The following ZNF71 variants were observed in gnomAD, a reference collection of about 807,000 sequenced individuals.
The protein encoded by ZNF71 is zinc finger protein 71, also known as endothelial zinc finger protein induced by tumor necrosis factor alpha.
Under a neutral mutation model 6.7 loss-of-function variants are expected in ZNF71, and 3 were observed. That is an observed-to-expected ratio of 0.45 (90% CI 0.20 to 1.16). ZNF71 has a LOEUF of 1.16. Ranked by LOEUF, ZNF71 falls within the 50% of genes most tolerant of loss-of-function variation. The pLI, the probability that ZNF71 is intolerant of heterozygous loss-of-function variation, is 0.25. For synonymous variants in ZNF71, 343 were observed against 311.1 expected (o/e 1.10, Z -1.08); for missense variants, 688 against 728.6 (o/e 0.94, Z 0.64).
chr19:56,598,660 C>T lies in ZNF71; in HGVS notation c.-52-2847C>T, dbSNP rs1399062228. Among the ~76,000 whole-genome samples the T allele has an allele frequency of 6.6e-6, 1 of 152,262 alleles. No individual in the cohort carries two copies. Among genetic ancestry groups the T allele is most frequent in the East Asian group, 1.9e-4 (1 of 5,170 alleles). On this transcript the variant is annotated intron_variant, in intron 1 of 3. Coordinates refer to ENST00000599599, the MANE Select transcript of ZNF71 (RefSeq NM_001370215.1). This position sits in a 1 kb window ranked among gnomAD's most constrained non-coding sequence, Gnocchi z 4.2. ...CATCGTACAGTGTGTAGCAGCATCC[C>T]CAGTCTCTACCAACTAAACGCCCAT...
chr19:56,615,501 C>A (rs1185097758), intron 3 of ZNF71, among the ~76,000 whole-genome samples: 2 of 150,162 alleles, frequency 1.3e-5, no homozygotes, highest in East Asian at 3.9e-4. Flanking sequence ...TCTTTTCCTG[C>A]GCTTATTTGA....
chr19:56,599,123 A>C (rs2044647497), intron 1 of ZNF71, among the ~76,000 whole-genome samples: 1 of 152,164 alleles, frequency 6.6e-6, no homozygotes, highest in South Asian at 2.1e-4. Context: ...GTGATCTTGA[A>C]GGGTTGGAGA....
intron 3 of ZNF71, among the ~76,000 whole-genome samples, chr19:56,620,198 G>T (rs1316452635): frequency 1.3e-5 from 2 of 152,214 alleles, no homozygotes; most frequent in African/African-American, 4.8e-5. Flanking sequence ...GCTGGGGCCA[G>T]CCAGGGCAGG....
rs1288976365 is a variant in ZNF71, at chr19:56,615,740, T to C, written c.160+1802T>C. Among the ~76,000 whole-genome samples the C allele has an allele frequency of 2.6e-5, 4 of 152,338 alleles. No homozygotes were observed. The South Asian group carries it at 8.3e-4, about 32-fold the overall frequency. ...ATATTACCTCCCATTCTGTGGATTG[T>C]GTTTTCACTTTCTTGATGGCATTAT... On this transcript the variant is annotated intron_variant, in intron 3 of 3. Coordinates refer to ENST00000599599, the MANE Select transcript of ZNF71 (RefSeq NM_001370215.1).
In ZNF71 at chr19:56,622,115, G is replaced by C. The variant is rs767128079; in HGVS notation, c.1008G>C (p.Gly336=). 6.2e-7 allele frequency: 1 copy of C among 1,600,948 alleles called. No individual in the cohort carries two copies. Among genetic ancestry groups the C allele is most frequent in the Non-Finnish European group, 8.5e-7 (1 of 1,175,688 alleles). The stretch of plus-strand genomic sequence containing the variant: ...AGCCGTACGTGTGCCCCGAGTGCGG[G>C]CGAGCCTTCAGCCAGAACATGCACC... ...GEKPYVCPEC[G]RAFSQNMHLT... is the part of the protein sequence containing the mutation. The change falls in exon 4 of 4, where the codon GGG becomes GGC. Residue 336 remains glycine (G), a synonymous_variant. Transcript: ENST00000599599.
chr19:56,608,779 C>A (rs1329458565), intron 2 of ZNF71, among the ~76,000 whole-genome samples: 2 of 152,224 alleles, frequency 1.3e-5, no homozygotes, highest in Non-Finnish European at 2.9e-5. Context: ...TCCTCTGATA[C>A]AGCTGCTGTT....
At chr19:56,614,056 C>G in intron 3 of ZNF71, 118 bp downstream of exon 3, 1 of 847,022 alleles carries the variant, frequency 1.2e-6, no homozygotes, top group Non-Finnish European at 1.4e-6. Flanking sequence ...AAAATTTGCT[C>G]TACTTGAAGC....
At chr19:56,619,583 G>A (rs1450884631) in intron 3 of ZNF71, among the ~76,000 whole-genome samples, 1 of 152,228 alleles carries the variant, frequency 6.6e-6, no homozygotes, top group African/African-American at 2.4e-5. Context: ...ACATAGCCCA[G>A]AAAGCAGGTC....
chr19:56,608,327 A>C (rs573419511), intron 2 of ZNF71, among the ~76,000 whole-genome samples: 83 of 152,210 alleles, frequency 5.5e-4, no homozygotes, highest in African/African-American at 1.9e-3. Context: ...ACAAGTCTCT[A>C]TAAATTTGAC....
chr19:56,606,042 C>T (rs1198184352), intron 2 of ZNF71, among the ~76,000 whole-genome samples: 1 of 152,204 alleles, frequency 6.6e-6, no homozygotes, highest in Non-Finnish European at 1.5e-5. Context: ...AAAGTGCCTA[C>T]ATAGTAGGGT....
chr19:56,609,002 C>T (rs2044730404), intron 2 of ZNF71, among the ~76,000 whole-genome samples: 1 of 152,166 alleles, frequency 6.6e-6, no homozygotes, highest in African/African-American at 2.4e-5. Flanking sequence ...TGTCCAAAGA[C>T]TTGCCCATAT....
rs960835680 is a variant in ZNF71 at position 56,598,181 on chromosome 19, T to C, written c.-53+2753T>C. 6.6e-6 allele frequency among the ~76,000 whole-genome samples: 1 copy of C among 151,862 alleles called. No individual in the cohort carries two copies. The highest frequency in any genetic ancestry group is 1.5e-5 in the Non-Finnish European group (1 of 67,966). On this transcript the variant is annotated intron_variant, in intron 1 of 3. Transcript: ENST00000599599. This position sits in a 1 kb window ranked among gnomAD's most constrained non-coding sequence, Gnocchi z 4.2. The stretch of plus-strand genomic sequence containing the variant: ...AGGGGGAGAGAGTTGCTGCTTGAGG[T>C]CAGGTGATTGGGGGTAGAGGACTTC...
At position 56,621,716 on chromosome 19, in the gene ZNF71, G is replaced by A. The variant is rs368745207; in HGVS notation, c.609G>A (p.Ser203=). The change falls in exon 4 of 4, where the codon TCG becomes TCA. Residue 203 remains serine, a synonymous_variant. Transcript: ENST00000599599. ...SECGKAFSRS[S]SLIKHQRIHT... is the part of the protein sequence containing the mutation. ...GTGGCAAGGCCTTTAGCCGAAGCTC[G>A]TCCCTGATAAAGCACCAAAGGATCC... 4.4e-5 allele frequency: 71 copies of A among 1,612,604 alleles called. No homozygotes were observed. The Admixed American group carries it at 5.5e-4, about 13-fold the overall frequency.
chr19:56,599,869 A>G (rs2044654334), intron 1 of ZNF71, among the ~76,000 whole-genome samples: 2 of 151,476 alleles, frequency 1.3e-5, no homozygotes, highest in African/African-American at 2.4e-5. Context: ...AATTTTTTGT[A>G]TTTTTGGTAG....
At chr19:56,620,743 T>C (rs1387240540) in intron 3 of ZNF71, among the ~76,000 whole-genome samples, 1 of 152,050 alleles carries the variant, frequency 6.6e-6, no homozygotes, top group Non-Finnish European at 1.5e-5. Flanking sequence ...GGGGTCTCAC[T>C]ATGTTGCCCA....
In ZNF71 at chr19:56,618,924, G is replaced by C. The variant is rs1359565431; in HGVS notation, c.161-2344G>C. ...GGAGTGGAGGACGCATTGCAGGGGT[G>C]AGAATGGGGTGGGGAGGACAGAGAG... On this transcript the variant is annotated intron_variant, in intron 3 of 3. Coordinates refer to ENST00000599599, the MANE Select transcript of ZNF71 (RefSeq NM_001370215.1). This position sits in a 1 kb window ranked among gnomAD's most constrained non-coding sequence, Gnocchi z 4.6. Among the ~76,000 whole-genome samples, 1 of 152,154 alleles carries C rather than the reference G, an allele frequency of 6.6e-6. No individual in the cohort carries two copies. Among genetic ancestry groups the C allele is most frequent in the Non-Finnish European group, 1.5e-5 (1 of 68,028 alleles).
intron 2 of ZNF71, among the ~76,000 whole-genome samples, chr19:56,602,295 T>C (rs2044676829): frequency 6.6e-6 from 1 of 152,194 alleles, no homozygotes; most frequent in African/African-American, 2.4e-5. Context: ...TCTTTCTTTG[T>C]GTCTTATATG....
rs1568510025 is a variant in ZNF71 at position 56,621,995 on chromosome 19, C to T, written c.888C>T (p.His296=). The T allele has an allele frequency of 3.7e-6, 6 of 1,606,996 alleles. No individual in the cohort carries two copies. The highest frequency in any genetic ancestry group is 1.7e-4 in the Middle Eastern group (1 of 5,998). The change falls in exon 4 of 4, where the codon CAC becomes CAT. Residue 296 remains histidine (H), a synonymous_variant. Transcript: ENST00000599599. The stretch of plus-strand genomic sequence containing the variant: ...CTCTCACCCAGCACGAGCGGATCCA[C>T]ACGGGGGAGAAGCCCTACGCGTGCG... ...TSSLTQHERI[H]TGEKPYACGD...
intron 3 of ZNF71, 147 bp downstream of exon 3, chr19:56,614,085 C>T (rs989321375): frequency 1.4e-5 from 8 of 563,130 alleles, no homozygotes; most frequent in East Asian, 1.5e-4. Flanking sequence ...AAGTTGATCA[C>T]GATGGTATGG....
Sources: gnomAD v4.1 joint callset for allele counts (sites outside exome capture counted in the v4.1 genomes callset) on GRCh38, gnomAD v4.1.1 for gene constraint, Gnocchi (gnomAD v3.1) non-coding constraint, MANE v1.5 for transcripts, NCBI Gene and HGNC (gene_info 2026-07-23, HGNC 2026-07-21) for gene names.